The following NCBP1 variants were observed in gnomAD, a reference collection of about 807,000 sequenced individuals.
NCBP1 encodes the protein nuclear cap-binding protein subunit 1.
Under a neutral mutation model 111.7 loss-of-function variants are expected in NCBP1, and 16 were observed. The observed-to-expected ratio is 0.14, with a 90% CI of 0.10 to 0.22. The LOEUF is 0.22. NCBP1 is among the 10% of genes least tolerant of loss of function. The pLI is 1.00. For synonymous variants in NCBP1, 304 were observed against 314.3 expected (o/e 0.97, Z 0.35); for missense variants, 607 against 957.5 (o/e 0.63, Z 4.83).
At chr9:97,661,484 C>A (rs912029996) in intron 16 of NCBP1, among the ~76,000 whole-genome samples, 1 of 151,966 alleles carries the variant, frequency 6.6e-6, no homozygotes, top group African/African-American at 2.4e-5. Context: ...TTTTTCTGGG[C>A]AAGAGTGGGA....
intron 1 of NCBP1, chr9:97,635,897 A>G (rs1383659477): frequency 6.6e-6 from 1 of 152,182 alleles, no homozygotes; most frequent in Non-Finnish European, 1.5e-5. Flanking sequence ...ATTGTAGGGC[A>G]TCCTAGAGAA....
At position 97,661,055 on chromosome 9, in the gene NCBP1, G is replaced by A; in HGVS notation, c.1587G>A (p.Gln529=). 6.2e-7 allele frequency: 1 copy of A among 1,612,276 alleles called. No individual in the cohort carries two copies. The highest frequency in any genetic ancestry group is 8.5e-7 in the Non-Finnish European group (1 of 1,179,604). The change falls in exon 16 of 23, where the codon CAG becomes CAA. Residue 529 remains glutamine, a synonymous_variant. Transcript: ENST00000375147. ...TGAAAGATGTACCAAATCCTAACCAGGATGATGACGACGGTAAGTGGAATT... is the reference window on the plus strand; with the variant it reads ...TGAAAGATGTACCAAATCCTAACCAAGATGATGACGACGGTAAGTGGAATT... ...SILKDVPNPN[Q]DDDDDEGFSF...
intron 17 of NCBP1, 128 bp downstream of exon 17, chr9:97,662,272 G>A (rs1401363685): frequency 3.0e-6 from 2 of 669,252 alleles, no homozygotes; most frequent in South Asian, 2.2e-5. Context: ...GACACAGTGG[G>A]TTTGGGTTTG....
intron 16 of NCBP1, 118 bp downstream of exon 16, chr9:97,661,186 C>G: frequency 7.9e-7 from 1 of 1,271,810 alleles, no homozygotes; most frequent in Non-Finnish European, 1.1e-6. Context: ...TTGACCTGTT[C>G]AGACTGTTGT....
chr9:97,645,057 AT>A lies in NCBP1; in HGVS notation c.382-56del, dbSNP rs1827295715. On this transcript the variant is annotated intron_variant, in intron 4 of 22. Coordinates refer to ENST00000375147, the MANE Select transcript of NCBP1 (RefSeq NM_002486.5). The stretch of plus-strand genomic sequence containing the variant: ...TAGTTTAGCCTATACAAGATTGCTT[AT>A]TTTGTAGTTATTATAAAGAACATTT... 4 of 1,281,338 alleles carry A rather than the reference AT, an allele frequency of 3.1e-6. No homozygotes were observed. The African/African-American group carries it at 4.4e-5, about 14-fold the overall frequency. The allele number at this position is 1,281,338 out of a possible 1,614,324, so 79.4% of individuals were successfully genotyped here.
Position 97,669,015 on chromosome 9 carries a change from A to G in NCBP1, c.2145+41A>G, listed in dbSNP as rs199664754. 177 of 1,532,088 alleles carry G rather than the reference A, an allele frequency of 1.2e-4. 1 individual carries two copies. Among genetic ancestry groups the G allele is most frequent in the Non-Finnish European group, 2.5e-5 (28 of 1,130,162 alleles). The allele number at this position is 1,532,088 out of a possible 1,614,324, so 94.9% of individuals were successfully genotyped here. A position where few individuals can be genotyped will look rare whatever the true frequency, so the allele number is the denominator to read the frequency against. On this transcript the variant is annotated intron_variant, in intron 21 of 22. Coordinates refer to ENST00000375147, the MANE Select transcript of NCBP1 (RefSeq NM_002486.5). ...ACATTTATACATAAAAGGAAACAAT[A>G]CATTTCTTTAGTTTTAGTTTTTAAA...
rs776251718 is a variant in NCBP1, at chr9:97,633,869, A to G, written c.-13A>G. 2.5e-6 allele frequency: 4 copies of G among 1,584,254 alleles called. No individual in the cohort carries two copies. Among genetic ancestry groups the G allele is most frequent in the Admixed American group, 3.6e-5 (2 of 56,328 alleles). ...GCCTGGCCTCTCGGTTCCGCGGCGC[A>G]CCGGAGGGCAGCATGTCGCGGCGGC... On this transcript the variant is annotated 5_prime_UTR_variant, in exon 1 of 23. Coordinates refer to ENST00000375147, the MANE Select transcript of NCBP1 (RefSeq NM_002486.5).
chr9:97,654,824 T>C lies in NCBP1; in HGVS notation c.1171-56T>C, dbSNP rs1827602583. 5 of 1,448,050 alleles carry C rather than the reference T, an allele frequency of 3.5e-6. No homozygotes were observed. The South Asian group carries it at 5.8e-5, about 17-fold the overall frequency. 89.7% of individuals were successfully genotyped at this position (1,448,050 alleles called of 1,614,324 possible). A position where few individuals can be genotyped will look rare whatever the true frequency, so the allele number is the denominator to read the frequency against. On this transcript the variant is annotated intron_variant, in intron 11 of 22. Coordinates refer to ENST00000375147, the MANE Select transcript of NCBP1 (RefSeq NM_002486.5). ...AATGTTTTATTTCTATTCTTGTCTA[T>C]TACAACTTATTTGGGATAAAAGTGG...
In NCBP1 at chr9:97,660,955, C is replaced by T. The variant is rs1827817962; in HGVS notation, c.1487C>T (p.Pro496Leu). 1 of 1,610,482 alleles carries T rather than the reference C, an allele frequency of 6.2e-7. No homozygotes were observed. Among genetic ancestry groups the T allele is most frequent in the Admixed American group, 1.7e-5 (1 of 59,786 alleles). Residue 496 changes from proline to leucine, a missense_variant, in exon 16 of 23, where the codon CCT (proline) becomes CTT (leucine). By Grantham distance (98) the Pro-to-Leu change is moderately conservative. Transcript: ENST00000375147. ...KYGDESSNSL[P>L]GHSVALCLAV... ...CCAATTCTGTGTTTAGATTCTCTTC[C>T]TGGACATTCTGTTGCCCTCTGTTTA...
Position 97,669,538 on chromosome 9 carries a change from T to C in NCBP1, c.2146-55T>C, listed in dbSNP as rs1049904901. ...GGGGTTTCTTTGTCATGAATTTTTT[T>C]CCAAAGTATAAGATTCTGTCTGTAG... On this transcript the variant is annotated intron_variant, in intron 21 of 22. Coordinates refer to ENST00000375147, the MANE Select transcript of NCBP1 (RefSeq NM_002486.5). 33 of 1,262,652 alleles carry C rather than the reference T, an allele frequency of 2.6e-5. No homozygotes were observed. In the Middle Eastern group the frequency reaches 5.7e-4, roughly 22 times the overall value. The allele number at this position is 1,262,652 out of a possible 1,614,324, so 78.2% of individuals were successfully genotyped here. A position where few individuals can be genotyped will look rare whatever the true frequency, so the allele number is the denominator to read the frequency against.
intron 20 of NCBP1, 102 bp from the exon 21 acceptor site, chr9:97,668,744 G>A: frequency 7.6e-7 from 1 of 1,312,798 alleles, no homozygotes. Flanking sequence ...TAGAATATAA[G>A]TCTTAACATT....
intron 6 of NCBP1, 63 bp downstream of exon 6, chr9:97,645,795 C>T (rs1827315441): frequency 6.4e-7 from 1 of 1,553,344 alleles, no homozygotes; most frequent in Non-Finnish European, 8.8e-7. Context: ...ATCAGTGATA[C>T]CATTTGAGTT....
chr9:97,647,274 A>T (rs888642504), intron 6 of NCBP1, among the ~76,000 whole-genome samples: 3 of 152,216 alleles, frequency 2.0e-5, no homozygotes, highest in Admixed American at 6.5e-5. Context: ...TTTCCCAAAG[A>T]GATTATATCA....
rs1262924369 is a variant in NCBP1 at position 97,668,923 on chromosome 9, A to G, written c.2094A>G (p.Lys698=). 1 of 1,613,688 alleles carries G rather than the reference A, an allele frequency of 6.2e-7. No individual in the cohort carries two copies. The highest frequency in any genetic ancestry group is 8.5e-7 in the Non-Finnish European group (1 of 1,179,762). The part of the protein sequence containing the change: ...LEEQIERLQE[K]VESAQSEQKN... ...AACAAATAGAACGACTTCAGGAAAA[A>G]GTGGAATCTGCTCAGAGTGAACAAA... Residue 698 remains lysine (K), a synonymous_variant, in exon 21 of 23, where the codon AAA becomes AAG. Coordinates refer to ENST00000375147, the MANE Select transcript of NCBP1 (RefSeq NM_002486.5).
At chr9:97,669,267 T>C (rs188821023) in intron 21 of NCBP1, among the ~76,000 whole-genome samples, 58 of 152,340 alleles carry the variant, frequency 3.8e-4, no homozygotes, top group African/African-American at 1.3e-3. Context: ...TCATTGCTGA[T>C]CATTTTCCTT....
intron 3 of NCBP1, 74 bp downstream of exon 3, chr9:97,641,736 A>G (rs1488716574): frequency 4.4e-6 from 6 of 1,366,628 alleles, no homozygotes; most frequent in South Asian, 1.6e-5. Context: ...GAAATGTTCA[A>G]AATACATGTT....
At chr9:97,640,317 C>T (rs190412355) in intron 1 of NCBP1, among the ~76,000 whole-genome samples, 8 of 152,162 alleles carry the variant, frequency 5.3e-5, no homozygotes, top group East Asian at 1.9e-4. Flanking sequence ...CCAAAGCATT[C>T]GACTTGGTTT....
rs952351870 is a variant in NCBP1 at position 97,673,392 on chromosome 9, T to C, written c.*2193T>C. ...TTTGACTCAAAACTGCTTTGTAATC[T>C]TTTCACAATGTACTGAAAAGTGTGG... On this transcript the variant is annotated 3_prime_UTR_variant, in exon 23 of 23. Coordinates refer to ENST00000375147, the MANE Select transcript of NCBP1 (RefSeq NM_002486.5). The C allele has an allele frequency of 2.5e-4, 38 of 152,308 alleles. No homozygotes were observed. Among genetic ancestry groups the C allele is most frequent in the African/African-American group, 9.1e-4 (38 of 41,572 alleles). 9.4% of individuals were successfully genotyped at this position (152,308 alleles called of 1,614,324 possible).
chr9:97,658,429 C>T (rs1198222272), intron 14 of NCBP1, among the ~76,000 whole-genome samples: 2 of 152,250 alleles, frequency 1.3e-5, no homozygotes, highest in African/African-American at 2.4e-5. Context: ...CACTCACCCG[C>T]ACCTCAGTGC....
Sources: allele counts gnomAD v4.1 joint callset (sites outside exome capture counted in the v4.1 genomes callset), GRCh38; gene constraint gnomAD v4.1.1; transcripts MANE v1.5; gene names NCBI Gene and HGNC (gene_info 2026-07-23, HGNC 2026-07-21).